The following SLC7A11 variants were observed in gnomAD, a reference collection of about 807,000 sequenced individuals.
SLC7A11 encodes solute carrier family 7 member 11.
A neutral mutation model predicts 54.5 loss-of-function variants in SLC7A11; 35 were observed. That is an observed-to-expected ratio of 0.64 (90% CI 0.49 to 0.85). The LOEUF is 0.85. SLC7A11 is among the 40% of genes least tolerant of loss of function. SLC7A11 has a pLI of 0.00. For missense variants in SLC7A11, 583 were observed against 618.1 expected (o/e 0.94, Z 0.60); for synonymous variants, 230 against 225.2 (o/e 1.02, Z -0.19).
chr4:138,205,372 C>A (rs960159791), intron 6 of SLC7A11, among the ~76,000 whole-genome samples: 11 of 152,132 alleles, frequency 7.2e-5, no homozygotes, highest in Middle Eastern at 3.4e-3. Context: ...TTGTGTCTAT[C>A]CAAATTCAAA....
At chr4:138,237,737 ATTTTTTTTTTTTT>A (rs1169641615) in intron 1 of SLC7A11, among the ~76,000 whole-genome samples, 12 of 9,820 alleles carry the variant, frequency 1.2e-3, no homozygotes, top group East Asian at 3.9e-3. Flanking sequence ...ATATATATAT[ATTTTTTTTTTTTT>A]TTTTTTTTTT....
rs1226199378 is a variant in SLC7A11, at chr4:138,236,203, G to C, written c.404+122C>G. ...CTTTATCACAGGCTTTATATCCTGA[G>C]GTAGACATGTTTATCATGTAGTCAC... On this transcript the variant is annotated intron_variant, in intron 2 of 11. Transcript: ENST00000280612. The C allele has an allele frequency of 6.7e-6, 5 of 747,922 alleles. No individual in the cohort carries two copies. The South Asian group carries it at 1.1e-4, about 16-fold the overall frequency. The allele number at this position is 747,922 out of a possible 1,614,324, so 46.3% of individuals were successfully genotyped here. A position where few individuals can be genotyped will look rare whatever the true frequency, so the allele number is the denominator to read the frequency against.
chr4:138,182,153 A>C (rs1198137657), intron 9 of SLC7A11, 144 bp downstream of exon 9: 1 of 575,922 alleles, frequency 1.7e-6, no homozygotes, highest in Non-Finnish European at 3.1e-6. Flanking sequence ...AAGAGATGGA[A>C]GATATCCTGC....
chr4:138,202,766 G>C (rs80341439), intron 6 of SLC7A11, among the ~76,000 whole-genome samples: 2,009 of 152,172 alleles, frequency 0.013, 28 homozygotes, highest in African/African-American at 0.033. Context: ...AAAAGATGTA[G>C]CTAAGGACAT....
At chr4:138,196,232 C>G (rs1051347034) in intron 6 of SLC7A11, among the ~76,000 whole-genome samples, 3 of 152,102 alleles carry the variant, frequency 2.0e-5, no homozygotes, top group Non-Finnish European at 4.4e-5. Context: ...AACACAGCAG[C>G]CACACCTGAA....
At chr4:138,236,548 T>C (rs1180975077) in intron 1 of SLC7A11, 97 bp from the exon 2 acceptor site, 2 of 1,168,550 alleles carry the variant, frequency 1.7e-6, no homozygotes, top group South Asian at 1.6e-5. Flanking sequence ...TTGCCTGAGA[T>C]GTAACTGCCT....
intron 6 of SLC7A11, among the ~76,000 whole-genome samples, chr4:138,198,824 G>C (rs1238151911): frequency 6.6e-6 from 1 of 152,108 alleles, no homozygotes; most frequent in African/African-American, 2.4e-5. Context: ...ATGAGCACAA[G>C]AATATTGGCA....
In SLC7A11 at chr4:138,180,628, T is replaced by C; in HGVS notation, c.1266+13A>G. 6.2e-7 allele frequency: 1 copy of C among 1,612,090 alleles called. No individual in the cohort carries two copies. The highest frequency in any genetic ancestry group is 8.5e-7 in the Non-Finnish European group (1 of 1,178,982). On this transcript the variant is annotated intron_variant, in intron 10 of 11. Transcript: ENST00000280612. Reference sequence around the variant, plus strand: ...AGAGATTTATGTAAACCCATCAAGATTGCTGAGGTTACCTTGAAAGGACGA... The same window carrying C: ...AGAGATTTATGTAAACCCATCAAGACTGCTGAGGTTACCTTGAAAGGACGA...
At position 138,199,856 on chromosome 4, in the gene SLC7A11, C is replaced by T. The variant is rs1485168339; in HGVS notation, c.792-14612G>A. On this transcript the variant is annotated intron_variant, in intron 6 of 11. Transcript: ENST00000280612. Reference sequence around the variant, plus strand: ...AATTCCGCAGCTCAGAGAAAGACATCATTGAGTTCAATTTCTAGTGGCTTT... The same window carrying T: ...AATTCCGCAGCTCAGAGAAAGACATTATTGAGTTCAATTTCTAGTGGCTTT... 2.0e-5 allele frequency among the ~76,000 whole-genome samples: 3 copies of T among 152,154 alleles called. No individual in the cohort carries two copies. The East Asian group carries it at 5.8e-4, about 29-fold the overall frequency.
At position 138,167,646 on chromosome 4, in the gene SLC7A11, A is replaced by T. The variant is rs1736301694; in HGVS notation, c.*4310T>A. Reference sequence around the variant, plus strand: ...ACAGAGGCTATCAAGGTGACCCATTATCTACTCTAATTTATATCCACTATG... The same window carrying T: ...ACAGAGGCTATCAAGGTGACCCATTTTCTACTCTAATTTATATCCACTATG... On this transcript the variant is annotated 3_prime_UTR_variant, in exon 12 of 12. Transcript: ENST00000280612. The T allele has an allele frequency of 6.6e-6, 1 of 152,162 alleles. No homozygotes were observed. The highest frequency in any genetic ancestry group is 1.5e-5 in the Non-Finnish European group (1 of 68,030). 9.4% of individuals were successfully genotyped at this position (152,162 alleles called of 1,614,324 possible). A position where few individuals can be genotyped will look rare whatever the true frequency, so the allele number is the denominator to read the frequency against.
chr4:138,220,362 C>T (rs993663283), intron 4 of SLC7A11, among the ~76,000 whole-genome samples: 2 of 152,086 alleles, frequency 1.3e-5, no homozygotes, highest in African/African-American at 4.8e-5. Context: ...GAGTTGAGAC[C>T]ATACAGCTAG....
Position 138,185,120 on chromosome 4 carries a change from C to G in SLC7A11, c.915+1G>C, listed in dbSNP as rs1405591454. ...TTGGCATTTTCCCAACTTGGACTTA[C>G]CACTGCCACTGCATTTGAAAGCAGC... On this transcript the variant is annotated splice_donor_variant, in intron 7 of 11. Coordinates refer to ENST00000280612, the MANE Select transcript of SLC7A11 (RefSeq NM_014331.4). LOFTEE classifies it high-confidence loss of function. 1 of 1,612,622 alleles carries G rather than the reference C, an allele frequency of 6.2e-7. No homozygotes were observed.
chr4:138,197,405 G>T (rs1360260108), intron 6 of SLC7A11, among the ~76,000 whole-genome samples: 6 of 152,080 alleles, frequency 3.9e-5, no homozygotes, highest in Admixed American at 1.3e-4. Flanking sequence ...AAGACAAAAA[G>T]AGGAAGATTA....
At chr4:138,222,025 C>T (rs1244519497) in intron 4 of SLC7A11, among the ~76,000 whole-genome samples, 1 of 152,174 alleles carries the variant, frequency 6.6e-6, no homozygotes, top group South Asian at 2.1e-4. Context: ...AGCAGGCTAG[C>T]TCTGTGGAGG....
intron 1 of SLC7A11, among the ~76,000 whole-genome samples, chr4:138,237,700 AATATATATATATAT>A (rs1168512229): frequency 0.022 from 319 of 14,686 alleles, 10 homozygotes; most frequent in African/African-American, 0.031. Flanking sequence ...GCCTAGCCAG[AATATATATATATAT>A]ATATATATAT....
chr4:138,178,731 C>T (rs1736644754), intron 11 of SLC7A11, among the ~76,000 whole-genome samples: 1 of 152,094 alleles, frequency 6.6e-6, no homozygotes, highest in African/African-American at 2.4e-5. Flanking sequence ...TTGTTCTCTC[C>T]ATTGTTCTTG....
At position 138,183,215 on chromosome 4, in the gene SLC7A11, A is replaced by G; in HGVS notation, c.1006T>C (p.Phe336Leu). The G allele has an allele frequency of 6.2e-7, 1 of 1,610,924 alleles. No individual in the cohort carries two copies. The highest frequency in any genetic ancestry group is 2.2e-5 in the East Asian group (1 of 44,648). The stretch of plus-strand genomic sequence containing the variant: ...GAACTCACTCACCTGGAGACAGCAA[A>G]CACACCACCGTTCATGGAGCCAAAG... ...SCFGSMNGGV[F>L]AVSRLFYVAS... is the part of the protein sequence containing the mutation. Residue 336 changes from phenylalanine to leucine, a missense_variant, in exon 8 of 12, where the codon TTT (phenylalanine) becomes CTT (leucine). Physicochemically the swap from Phe to Leu is conservative, Grantham distance 22. Transcript: ENST00000280612.
chr4:138,177,028 G>A (rs995638189), intron 11 of SLC7A11: 4 of 152,044 alleles, frequency 2.6e-5, no homozygotes, highest in Admixed American at 1.3e-4. Flanking sequence ...CATTTGTATA[G>A]TAACATTTCT....
intron 6 of SLC7A11, 104 bp from the exon 7 acceptor site, chr4:138,185,348 A>G: frequency 7.8e-7 from 1 of 1,287,756 alleles, no homozygotes; most frequent in Non-Finnish European, 1.1e-6. Context: ...AATGGTATCT[A>G]CAATAATTAT....
Sources: gnomAD v4.1 joint callset for allele counts (sites outside exome capture counted in the v4.1 genomes callset) on GRCh38, gnomAD v4.1.1 for gene constraint, MANE v1.5 for transcripts, NCBI Gene and HGNC (gene_info 2026-07-23, HGNC 2026-07-21) for gene names.